YJU2: variants seen among roughly 807,000 people sequenced by gnomAD.
YJU2 encodes the protein splicing factor YJU2.
Under a neutral mutation model 39.6 loss-of-function variants are expected in YJU2, and 28 were observed. That is an observed-to-expected ratio of 0.71 (90% CI 0.52 to 0.97). The LOEUF (loss-of-function observed/expected upper bound fraction) is 0.97. Ranked by LOEUF, YJU2 falls within the 50% of genes least tolerant of loss-of-function variation. The pLI is 0.00. For synonymous variants in YJU2, 184 were observed against 182.4 expected (o/e 1.01, Z -0.07); for missense variants, 328 against 430.4 (o/e 0.76, Z 2.11).
At position 4,258,327 on chromosome 19, in the gene YJU2, AG is replaced by A; in HGVS notation, c.493del (p.Ala165ArgfsTer9). 6.3e-7 allele frequency: 1 copy of A among 1,582,110 alleles called. No individual in the cohort carries two copies. Among genetic ancestry groups the A allele is most frequent in the Non-Finnish European group, 8.6e-7 (1 of 1,165,222 alleles). ...LQELKDLNQR[Q>X]AHVDFEAMLR... ...GAGCTGAAAGACCTGAACCAGCGGC[AG>A]GCGCACGTGGACTTCGAGGCTATGC... On this transcript the variant is annotated frameshift_variant, in exon 5 of 8. Coordinates refer to ENST00000262962, the MANE Select transcript of YJU2 (RefSeq NM_018074.6). LOFTEE classifies it high-confidence loss of function.
At chr19:4,255,868 G>A (rs1419989753) in intron 4 of YJU2, among the ~76,000 whole-genome samples, 5 of 151,704 alleles carry the variant, frequency 3.3e-5, no homozygotes, top group Admixed American at 2.6e-4. Context: ...TTAACCAGGC[G>A]TGGTGGCACG....
At chr19:4,264,493 C>CCT (rs1568364016) in intron 6 of YJU2, among the ~76,000 whole-genome samples, 1 of 137,120 alleles carries the variant, frequency 7.3e-6, no homozygotes, top group East Asian at 2.1e-4. Context: ...TTCTTTCTTT[C>CCT]TTTTTTTTTT....
At position 4,254,392 on chromosome 19, in the gene YJU2, G is replaced by A. The variant is rs1971001919; in HGVS notation, c.308G>A (p.Gly103Glu). ...AACACAGACTACACCATGGAGCATG[G>A]AGCCACGCGGAATTTCCAGGCTGAG... ...PENTDYTMEH[G>E]ATRNFQAEKL... Residue 103 changes from glycine (G) to glutamate (E), a missense_variant, in exon 4 of 8, where the codon GGA (glycine) becomes GAA (glutamate). By Grantham distance (98) the Gly-to-Glu change is moderately conservative. Coordinates refer to ENST00000262962, the MANE Select transcript of YJU2 (RefSeq NM_018074.6). 1 of 1,613,748 alleles carries A rather than the reference G, an allele frequency of 6.2e-7. No individual in the cohort carries two copies. Among genetic ancestry groups the A allele is most frequent in the African/African-American group, 1.3e-5 (1 of 74,864 alleles).
At position 4,262,063 on chromosome 19, in the gene YJU2, C is replaced by G; in HGVS notation, c.657C>G (p.Pro219=). 1.2e-6 allele frequency: 2 copies of G among 1,612,562 alleles called. No individual in the cohort carries two copies. Among genetic ancestry groups the G allele is most frequent in the South Asian group, 2.2e-5 (2 of 91,080 alleles). Residue 219 remains proline (P), a synonymous_variant, in exon 6 of 8, where the codon CCC becomes CCG. Coordinates refer to ENST00000262962, the MANE Select transcript of YJU2 (RefSeq NM_018074.6). Reference sequence around the variant, plus strand: ...CCGACTCAGAGGATGAGGCTGCTCCCTCGCCCCTGCAGCCAGCCCTTCGGC... The same window carrying G: ...CCGACTCAGAGGATGAGGCTGCTCCGTCGCCCCTGCAGCCAGCCCTTCGGC... The part of the protein sequence containing the change: ...EDSDSEDEAA[P]SPLQPALRPN...
Position 4,254,338 on chromosome 19 carries a change from G to C in YJU2, c.271-17G>C. 1 of 1,606,150 alleles carries C rather than the reference G, an allele frequency of 6.2e-7. No individual in the cohort carries two copies. Among genetic ancestry groups the C allele is most frequent in the Non-Finnish European group, 8.5e-7 (1 of 1,173,312 alleles). On this transcript the variant is annotated splice_polypyrimidine_tract_variant and intron_variant, in intron 3 of 7. Coordinates refer to ENST00000262962, the MANE Select transcript of YJU2 (RefSeq NM_018074.6). ...CCTGGGGATGTAGGAGCTGATGTCT[G>C]TCTATCCTCCCTGCAGACAGACCCT...
chr19:4,260,221 C>T (rs993489914), intron 5 of YJU2, among the ~76,000 whole-genome samples: 7 of 152,150 alleles, frequency 4.6e-5, no homozygotes, highest in Admixed American at 3.9e-4. Flanking sequence ...GTCAGCAGTT[C>T]GAGACCAGCC....
At chr19:4,248,995 T>A (rs1970953592) in intron 1 of YJU2, among the ~76,000 whole-genome samples, 1 of 152,076 alleles carries the variant, frequency 6.6e-6, no homozygotes, top group Non-Finnish European at 1.5e-5. Context: ...TTGTCATGAC[T>A]GGTATTTAGG....
intron 6 of YJU2, 73 bp from the exon 7 acceptor site, chr19:4,267,550 AG>A (rs1971124835): frequency 5.4e-6 from 8 of 1,494,482 alleles, no homozygotes; most frequent in Non-Finnish European, 7.4e-6. Context: ...GGCAGTGAGC[AG>A]GGGTTGTGGC....
At position 4,267,181 on chromosome 19, in the gene YJU2, G is replaced by A. The variant is rs540755710; in HGVS notation, c.709-443G>A. ...AAGACAGGAGCTCACGGCAGAGTTG[G>A]GGAGAGAGTTATAACAGCCAGCAGA... is the stretch of plus-strand genomic sequence containing the variant. On this transcript the variant is annotated intron_variant, in intron 6 of 7. Coordinates refer to ENST00000262962, the MANE Select transcript of YJU2 (RefSeq NM_018074.6). 2.0e-5 allele frequency among the ~76,000 whole-genome samples: 3 copies of A among 152,188 alleles called. No individual in the cohort carries two copies. In the South Asian group the frequency reaches 6.2e-4, roughly 32 times the overall value.
intron 1 of YJU2, among the ~76,000 whole-genome samples, chr19:4,248,621 C>G (rs1465477275): frequency 3.3e-5 from 5 of 152,114 alleles, no homozygotes; most frequent in Non-Finnish European, 5.9e-5. Flanking sequence ...CTAAGCAAAG[C>G]TTAACCTCTA....
intron 6 of YJU2, among the ~76,000 whole-genome samples, chr19:4,267,320 G>A (rs1209763804): frequency 1.3e-5 from 2 of 152,146 alleles, no homozygotes; most frequent in Non-Finnish European, 2.9e-5. Context: ...TTCACCAAGC[G>A]AGTGCATGGA....
Position 4,249,240 on chromosome 19 carries a change from C to T in YJU2, c.37C>T (p.Pro13Ser), listed in dbSNP as rs557019552. Reference protein sequence around the residue: ...ERKVLNKYYPPDFDPSKIPKL... With the variant: ...ERKVLNKYYPSDFDPSKIPKL... The stretch of plus-strand genomic sequence containing the variant: ...TCCTCCCCTGCAGAAATACTACCCG[C>T]CGGACTTTGACCCATCAAAGATCCC... The change falls in exon 2 of 8, where the codon CCG (proline) becomes TCG (serine). Residue 13 changes from proline (P) to serine (S), a missense_variant. By Grantham distance (74) the Pro-to-Ser change is moderately conservative. Around this residue, in one of 2 missense-constraint regions of YJU2, gnomAD observed 84 missense variants for 165.8 expected, o/e 0.51. Coordinates refer to ENST00000262962, the MANE Select transcript of YJU2 (RefSeq NM_018074.6). 11 of 1,612,724 alleles carry T rather than the reference C, an allele frequency of 6.8e-6. 1 individual carries two copies. The South Asian group carries it at 1.1e-4, about 16-fold the overall frequency.
intron 3 of YJU2, 139 bp downstream of exon 3, chr19:4,251,310 T>C (rs536984529): frequency 4.7e-6 from 4 of 851,656 alleles, no homozygotes; most frequent in African/African-American, 3.4e-5. Flanking sequence ...AGACAACAGT[T>C]TGGGGGAGAT....
chr19:4,253,198 TACAC>T (rs58339658), intron 3 of YJU2, among the ~76,000 whole-genome samples: 17,379 of 138,990 alleles, frequency 0.13, 1,227 homozygotes, highest in East Asian at 0.21. Context: ...TGTCCGTGTC[TACAC>T]ACACACACAC....
At chr19:4,255,055 CCA>C (rs1971008404) in intron 4 of YJU2, among the ~76,000 whole-genome samples, 1 of 102,132 alleles carries the variant, frequency 9.8e-6, no homozygotes, top group Non-Finnish European at 1.8e-5. Context: ...GATTCTGTCT[CCA>C]AAAAAAAAAA....
At chr19:4,268,553 T>A in intron 7 of YJU2, 31 bp from the exon 8 acceptor site, 1 of 1,503,056 alleles carries the variant, frequency 6.7e-7, no homozygotes, top group Non-Finnish European at 9.2e-7. Context: ...GCTGTGGAGC[T>A]GAGATGAGCT....
intron 1 of YJU2, chr19:4,247,411 G>A (rs1336174741): frequency 6.3e-6 from 3 of 478,610 alleles, no homozygotes; most frequent in Non-Finnish European, 1.1e-5. Flanking sequence ...GCGTGGCTTG[G>A]GCTTTTACCC....
intron 6 of YJU2, among the ~76,000 whole-genome samples, chr19:4,264,753 C>T (rs544968533): frequency 9.9e-5 from 15 of 152,020 alleles, no homozygotes; most frequent in Non-Finnish European, 2.1e-4. Flanking sequence ...GCCCAAAGTG[C>T]TGGGATTACA....
rs1342662919 is a variant in YJU2, at chr19:4,267,770, C to T, written c.855C>T (p.Thr285=). Residue 285 remains threonine (T), a synonymous_variant, in exon 7 of 8, where the codon ACC becomes ACT. Coordinates refer to ENST00000262962, the MANE Select transcript of YJU2 (RefSeq NM_018074.6). The stretch of plus-strand genomic sequence containing the variant: ...ACGGGCAGCCTCAGGCGGCCCCCAC[C>T]CCAGGTAAGGTCACAGAGTTCCCAG... ...CSNGQPQAAP[T]PGAPQNRKEA... is the part of the protein sequence containing the mutation. The T allele has an allele frequency of 2.5e-6, 4 of 1,611,454 alleles. No homozygotes were observed. Among genetic ancestry groups the T allele is most frequent in the South Asian group, 1.1e-5 (1 of 90,906 alleles).
Sources: gnomAD v4.1 joint callset for allele counts (sites outside exome capture counted in the v4.1 genomes callset) on GRCh38, gnomAD v4.1.1 for gene constraint, gnomAD v4.1.1 regional missense constraint, MANE v1.5 for transcripts, NCBI Gene and HGNC (gene_info 2026-07-23, HGNC 2026-07-21) for gene names.